The following CNTN5 variants were observed in gnomAD, a reference collection of about 807,000 sequenced individuals.
The protein encoded by CNTN5 is contactin-5.
CNTN5 carries 77 observed loss-of-function variants against 129.1 expected under a neutral mutation model. The ratio of observed to expected loss-of-function variants is 0.60; its 90% confidence interval spans 0.50 to 0.72. The LOEUF (loss-of-function observed/expected upper bound fraction) is 0.72. CNTN5 is among the 30% of genes least tolerant of loss of function. CNTN5 has a pLI of 0.00. For synonymous variants in CNTN5, 509 were observed against 465.6 expected, an observed-to-expected ratio of 1.09 and a Z score of -1.20; for missense variants, 1,478 against 1,328.8, an observed-to-expected ratio of 1.11 and a Z score of -1.75.
intron 6 of CNTN5, among the ~76,000 whole-genome samples, chr11:99,889,745 G>T (rs886978235): frequency 6.6e-6 from 1 of 151,844 alleles, no homozygotes; most frequent in African/African-American, 2.4e-5. Flanking sequence ...CACCATCTTG[G>T]CCAGCTGGGC....
At chr11:100,200,673 G>A (rs1591385885) in intron 15 of CNTN5, among the ~76,000 whole-genome samples, 2 of 151,854 alleles carry the variant, frequency 1.3e-5, no homozygotes, top group East Asian at 3.9e-4. Flanking sequence ...CTTGGATTCT[G>A]TAATCTCTGA....
intron 1 of CNTN5, among the ~76,000 whole-genome samples, chr11:99,258,041 C>T (rs903886185): frequency 7.2e-5 from 11 of 152,022 alleles, no homozygotes; most frequent in Non-Finnish European, 1.2e-4. Context: ...CTTTCTCCCC[C>T]TGAACACCTA....
intron 16 of CNTN5, among the ~76,000 whole-genome samples, chr11:100,238,162 A>C (rs1949659395): frequency 1.3e-5 from 2 of 152,170 alleles, no homozygotes; most frequent in Admixed American, 1.3e-4. Flanking sequence ...AGGTCTTTGG[A>C]TTACCAGAAC....
At chr11:99,887,860 T>G (rs1173411332) in intron 6 of CNTN5, among the ~76,000 whole-genome samples, 2 of 152,220 alleles carry the variant, frequency 1.3e-5, no homozygotes. Flanking sequence ...AGCTCATTAG[T>G]TGATGTCCAC....
At chr11:99,595,619 C>G (rs989045626) in intron 3 of CNTN5, among the ~76,000 whole-genome samples, 21 of 152,046 alleles carry the variant, frequency 1.4e-4, no homozygotes, top group African/African-American at 4.8e-4. Flanking sequence ...ATAAAGCACA[C>G]AGTTTATGTA....
At chr11:99,148,083 A>G (rs1287416848) in intron 1 of CNTN5, among the ~76,000 whole-genome samples, 1 of 152,116 alleles carries the variant, frequency 6.6e-6, no homozygotes, top group Non-Finnish European at 1.5e-5. Context: ...ATATTTTTAT[A>G]TTACATTTAA....
chr11:99,375,238 G>C (rs185185240), intron 2 of CNTN5, among the ~76,000 whole-genome samples: 2 of 139,948 alleles, frequency 1.4e-5, no homozygotes, highest in African/African-American at 5.1e-5. Context: ...AGGAGGCAAA[G>C]GTTGCAATGA....
At chr11:99,759,228 G>A (rs1348155) in intron 3 of CNTN5, among the ~76,000 whole-genome samples, 31,448 of 151,822 alleles carry the variant, frequency 0.21, 3,968 homozygotes, top group East Asian at 0.53. Context: ...ATCATGAGGG[G>A]AAGGTGTGTG....
At chr11:100,056,654 A>G (rs530463650) in intron 9 of CNTN5, among the ~76,000 whole-genome samples, 1 of 151,916 alleles carries the variant, frequency 6.6e-6, no homozygotes, top group East Asian at 1.9e-4. Context: ...ACTGGTAGTA[A>G]TGATAGTAGT....
At chr11:100,289,737 A>C (rs1462964632) in intron 18 of CNTN5, among the ~76,000 whole-genome samples, 2 of 150,508 alleles carry the variant, frequency 1.3e-5, no homozygotes, top group African/African-American at 4.9e-5. Flanking sequence ...CCTATTCAAC[A>C]TAGTGTTGGA....
intron 6 of CNTN5, among the ~76,000 whole-genome samples, chr11:99,894,031 C>G (rs1202905510): frequency 6.6e-6 from 1 of 151,920 alleles, no homozygotes; most frequent in Non-Finnish European, 1.5e-5. Context: ...TACTGGTATC[C>G]TTAATGCCAG....
intron 8 of CNTN5, among the ~76,000 whole-genome samples, chr11:99,978,388 G>A (rs1305682990): frequency 6.6e-6 from 1 of 152,100 alleles, no homozygotes; most frequent in African/African-American, 2.4e-5. Context: ...TGTTTATAAA[G>A]TCAACAGTAA....
intron 3 of CNTN5, among the ~76,000 whole-genome samples, chr11:99,666,618 A>G (rs1347870320): frequency 6.6e-6 from 1 of 152,224 alleles, no homozygotes. Flanking sequence ...ACAGTCTTAC[A>G]GAGTCTCCAT....
chr11:100,085,756 A>T (rs1477216408), intron 13 of CNTN5, among the ~76,000 whole-genome samples: 1 of 152,140 alleles, frequency 6.6e-6, no homozygotes, highest in African/African-American at 2.4e-5. Context: ...ACACACTCGT[A>T]ACAAGTAACA....
At chr11:100,090,501 T>TCCTCCCTCCCTTCCCTCCCTCCCTC (rs1555004280) in intron 13 of CNTN5, among the ~76,000 whole-genome samples, 4 of 44,008 alleles carry the variant, frequency 9.1e-5, no homozygotes, top group Non-Finnish European at 1.6e-4. Context: ...TTTCCTCCTT[T>TCCTCCCTCCCTTCCCTCCCTCCCTC]CCTCCCTCCC....
At chr11:99,876,426 T>A (rs1216109809) in intron 6 of CNTN5, among the ~76,000 whole-genome samples, 2 of 152,206 alleles carry the variant, frequency 1.3e-5, no homozygotes, top group Non-Finnish European at 2.9e-5. Context: ...CTTCCTACAC[T>A]GCATTCTCCC....
intron 2 of CNTN5, among the ~76,000 whole-genome samples, chr11:99,541,681 A>C (rs1227225167): frequency 6.6e-6 from 1 of 152,158 alleles, no homozygotes; most frequent in African/African-American, 2.4e-5. Context: ...AGGTGCAGTG[A>C]ATCACACCTG....
intron 2 of CNTN5, among the ~76,000 whole-genome samples, chr11:99,332,353 T>G (rs1224203796): frequency 1.3e-5 from 2 of 152,088 alleles, no homozygotes; most frequent in Admixed American, 6.6e-5. Flanking sequence ...TAACTGATAG[T>G]ATCAATATTT....
At chr11:99,807,399 A>T (rs1454489776) in intron 3 of CNTN5, among the ~76,000 whole-genome samples, 1 of 152,220 alleles carries the variant, frequency 6.6e-6, no homozygotes, top group East Asian at 1.9e-4. Context: ...ATGACAGATA[A>T]ATTCATCTAT....
Sources: allele counts gnomAD v4.1 joint callset (sites outside exome capture counted in the v4.1 genomes callset), GRCh38; gene constraint gnomAD v4.1.1; transcripts MANE v1.5; gene names NCBI Gene and HGNC (gene_info 2026-07-23, HGNC 2026-07-21).